ACACA: variants seen among roughly 807,000 people sequenced by gnomAD.
ACACA encodes the protein acetyl-CoA carboxylase 1.
ACACA carries 103 observed loss-of-function variants against 296.1 expected under a neutral mutation model. That is an observed-to-expected ratio of 0.35 (90% CI 0.30 to 0.41). The LOEUF (loss-of-function observed/expected upper bound fraction) is 0.41, where lower values mean the gene tolerates loss of function less well. Ranked by LOEUF, ACACA falls within the 10% of genes least tolerant of loss-of-function variation. The pLI is 1.00. For missense variants in ACACA, 1,554 were observed against 2,989.7 expected, an observed-to-expected ratio of 0.52 and a Z score of 11.20; for synonymous variants, 953 against 1,038.6, an observed-to-expected ratio of 0.92 and a Z score of 1.58.
intron 45 of ACACA, chr17:37,144,083 C>T: frequency 2.4e-5 from 18 of 762,134 alleles, no homozygotes; most frequent in South Asian, 2.3e-4. Flanking sequence ...ATTTCTCTTT[C>T]ATAATGGGTC....
chr17:37,145,612 AT>A (rs1175142720), intron 45 of ACACA, among the ~76,000 whole-genome samples: 1 of 152,218 alleles, frequency 6.6e-6, no homozygotes. Context: ...ATGAAAGTTC[AT>A]GTTCTGACCC....
chr17:37,202,105 G>T (rs144000660), intron 33 of ACACA, among the ~76,000 whole-genome samples: 1 of 152,058 alleles, frequency 6.6e-6, no homozygotes, highest in South Asian at 2.1e-4. Flanking sequence ...AAAATGTGTC[G>T]AAGGAAAGGA....
intron 45 of ACACA, among the ~76,000 whole-genome samples, chr17:37,134,405 G>A (rs891005804): frequency 1.3e-5 from 2 of 152,174 alleles, no homozygotes; most frequent in Non-Finnish European, 2.9e-5. Flanking sequence ...CTGAATGAGT[G>A]CAGTATTTAC....
chr17:37,256,213 A>G (rs1473917164), intron 14 of ACACA, among the ~76,000 whole-genome samples: 1 of 152,210 alleles, frequency 6.6e-6, no homozygotes, highest in African/African-American at 2.4e-5. Flanking sequence ...ACACATCTGT[A>G]TGTTGAGACT....
intron 42 of ACACA, among the ~76,000 whole-genome samples, chr17:37,159,360 TAC>T (rs2076375699): frequency 6.6e-6 from 1 of 152,070 alleles, no homozygotes; most frequent in African/African-American, 2.4e-5. Flanking sequence ...TAGCTGGGAT[TAC>T]AGACGTGTGC....
At chr17:37,372,668 C>T (rs947240976) in intron 1 of ACACA, among the ~76,000 whole-genome samples, 3 of 152,114 alleles carry the variant, frequency 2.0e-5, no homozygotes, top group East Asian at 1.9e-4. Flanking sequence ...TCTCTTCCAA[C>T]GCCATATCTC....
At chr17:37,219,727 T>C (rs779220499) in intron 29 of ACACA, among the ~76,000 whole-genome samples, 4 of 148,006 alleles carry the variant, frequency 2.7e-5, no homozygotes, top group Non-Finnish European at 4.5e-5. Flanking sequence ...TCATATATTA[T>C]AATATATTAT....
At chr17:37,200,210 GA>G (rs1178863995) in intron 34 of ACACA, 27 bp from the exon 35 acceptor site, 2 of 1,590,748 alleles carry the variant, frequency 1.3e-6, no homozygotes, top group African/African-American at 2.7e-5. Context: ...AGAAAGGAAG[GA>G]AAGACAGCAG....
chr17:37,236,851 AAAAAC>A (rs1010295920), intron 24 of ACACA, among the ~76,000 whole-genome samples: 5 of 152,118 alleles, frequency 3.3e-5, no homozygotes, highest in Admixed American at 6.6e-5. Flanking sequence ...ACACCAAACA[AAAAAC>A]AAAACAAAAC....
chr17:37,325,003 C>A (rs62069559), intron 3 of ACACA, among the ~76,000 whole-genome samples: 3,030 of 151,460 alleles, frequency 0.02, 55 homozygotes, highest in Non-Finnish European at 0.029. Flanking sequence ...GAGTTCGAGA[C>A]CTGCCTGACG....
chr17:37,365,100 G>A (rs1228907951), intron 1 of ACACA, among the ~76,000 whole-genome samples: 1 of 152,012 alleles, frequency 6.6e-6, no homozygotes, highest in Non-Finnish European at 1.5e-5. Context: ...AGCCTCCCGA[G>A]TAGCTGGAAT....
intron 39 of ACACA, 152 bp downstream of exon 39, chr17:37,188,125 T>G (rs1259596427): frequency 4.8e-6 from 4 of 832,766 alleles, no homozygotes; most frequent in Non-Finnish European, 7.9e-6. Context: ...CAGATGAAGT[T>G]TTTCAAATTC....
chr17:37,406,144 T>G, intron 1 of ACACA, 118 bp downstream of exon 1: 1 of 1,197,676 alleles, frequency 8.3e-7, no homozygotes, highest in Non-Finnish European at 1.2e-6. Context: ...TCACAAGTTT[T>G]AAATGAGACC....
rs1231138932 is a variant in ACACA, at chr17:37,271,306, G to A, written c.1009-445C>T. Among the ~76,000 whole-genome samples, 10 of 151,902 alleles carry A rather than the reference G, an allele frequency of 6.6e-5. No homozygotes were observed. In the East Asian group the frequency reaches 1.2e-3, roughly 18 times the overall value. On this transcript the variant is annotated intron_variant, in intron 9 of 55. Transcript: ENST00000616317. Reference sequence around the variant, plus strand: ...CAAGGCGGGCGGATCACCTGAGGTCGGGAGTTCAAGACCAGCCTGACCAAC... The same window carrying A: ...CAAGGCGGGCGGATCACCTGAGGTCAGGAGTTCAAGACCAGCCTGACCAAC...
intron 16 of ACACA, 44 bp downstream of exon 16, chr17:37,251,961 G>T: frequency 6.5e-7 from 1 of 1,549,198 alleles, no homozygotes; most frequent in South Asian, 1.1e-5. Flanking sequence ...CCTGTACTCA[G>T]GACCATTGAT....
rs1265478570 is a variant in ACACA, at chr17:37,113,941, T to A, written c.6275-676A>T. Among the ~76,000 whole-genome samples the A allele has an allele frequency of 6.6e-6, 1 of 151,948 alleles. No homozygotes were observed. Among genetic ancestry groups the A allele is most frequent in the Non-Finnish European group, 1.5e-5 (1 of 67,980 alleles). On this transcript the variant is annotated intron_variant, in intron 50 of 55. Transcript: ENST00000616317. This position sits in a 1 kb window ranked among gnomAD's most constrained non-coding sequence, Gnocchi z 4.0. ...TTATAGGGTATCAATGAGAGAAAAA[T>A]TTTAAAAATACTTAGGAAATACCAC...
chr17:37,190,267 A>C (rs1160255049), intron 38 of ACACA, among the ~76,000 whole-genome samples: 2 of 152,036 alleles, frequency 1.3e-5, no homozygotes, highest in Non-Finnish European at 2.9e-5. Flanking sequence ...CGTTTCTACT[A>C]AAAATACAAA....
At chr17:37,232,777 T>C (rs934169329) in intron 25 of ACACA, among the ~76,000 whole-genome samples, 1 of 151,856 alleles carries the variant, frequency 6.6e-6, no homozygotes, top group Non-Finnish European at 1.5e-5. Context: ...ATTTTGTTTT[T>C]GTTTTTTTTT....
At position 37,191,236 on chromosome 17, in the gene ACACA, G is replaced by A. The variant is rs574528552; in HGVS notation, c.4456C>T (p.Leu1486=). 1.2e-6 allele frequency: 2 copies of A among 1,614,114 alleles called. No individual in the cohort carries two copies. Among genetic ancestry groups the A allele is most frequent in the South Asian group, 1.1e-5 (1 of 91,078 alleles). ...FEYLQNEGER[L]LLEAMDELEV... ...AACTCATCCATGGCTTCCAGGAGTA[G>A]CCGCTCCCCTTCATTTTGCAGATAT... is the stretch of plus-strand genomic sequence containing the variant. The change falls in exon 38 of 56, where the codon CTA becomes TTA. Residue 1486 remains leucine (L), a synonymous_variant. Coordinates refer to ENST00000616317, the MANE Select transcript of ACACA (RefSeq NM_198834.3).
Sources: gnomAD v4.1 joint callset for allele counts (sites outside exome capture counted in the v4.1 genomes callset) on GRCh38, gnomAD v4.1.1 for gene constraint, Gnocchi (gnomAD v3.1) non-coding constraint, MANE v1.5 for transcripts, NCBI Gene and HGNC (gene_info 2026-07-23, HGNC 2026-07-21) for gene names.